The following ARRDC1 variants were observed in gnomAD, a reference collection of about 807,000 sequenced individuals.
ARRDC1 encodes the protein arrestin domain containing 1, also known as arrestin domain-containing protein 1.
In ARRDC1, 37 loss-of-function variants were observed where a neutral mutation model predicts 40.1. The observed-to-expected ratio is 0.92, with a 90% confidence interval of 0.71 to 1.21. The LOEUF is 1.21. Ranked by LOEUF, ARRDC1 falls within the 50% of genes most tolerant of loss-of-function variation. The pLI is 0.00. For missense variants in ARRDC1, 641 were observed against 581.9 expected (o/e 1.10, Z -1.04); for synonymous variants, 310 against 262.5 (o/e 1.18, Z -1.75).
intron 1 of ARRDC1, among the ~76,000 whole-genome samples, chr9:137,606,294 C>G (rs1298784067): frequency 3.3e-5 from 5 of 152,170 alleles, no homozygotes; most frequent in African/African-American, 7.2e-5. Flanking sequence ...TCGCCGGCCC[C>G]CCGCCGAGGT....
Position 137,614,899 on chromosome 9 carries a change from G to A in ARRDC1, c.1136G>A (p.Gly379Asp), listed in dbSNP as rs141470293. 1.5e-4 allele frequency: 247 copies of A among 1,613,702 alleles called. No individual in the cohort carries two copies. Among genetic ancestry groups the A allele is most frequent in the Middle Eastern group, 1.6e-4 (1 of 6,084 alleles). Residue 379 changes from glycine to aspartate, a missense_variant, in exon 7 of 8, where the codon GGT becomes GAT. Coordinates refer to ENST00000371421, the MANE Select transcript of ARRDC1 (RefSeq NM_152285.4). Reference sequence around the variant, plus strand: ...CACCCTCCCTTGTGCATTTCAACAGGTGCCACTGTCCCCTACTTTGCAGAG... The same window carrying A: ...CACCCTCCCTTGTGCATTTCAACAGATGCCACTGTCCCCTACTTTGCAGAG... ...PLHPPLCIST[G>D]ATVPYFAEGS... is the part of the protein sequence containing the mutation.
intron 1 of ARRDC1, among the ~76,000 whole-genome samples, chr9:137,609,092 G>A (rs770777923): frequency 4.6e-5 from 7 of 152,168 alleles, no homozygotes; most frequent in Non-Finnish European, 8.8e-5. Flanking sequence ...GAGATTCTAA[G>A]CGGAATTCTG....
chr9:137,608,212 A>G (rs1053730127), intron 1 of ARRDC1, among the ~76,000 whole-genome samples: 1 of 151,984 alleles, frequency 6.6e-6, no homozygotes, highest in South Asian at 2.1e-4. Flanking sequence ...GGATCTCCTG[A>G]CCTCGTGATC....
At position 137,608,863 on chromosome 9, in the gene ARRDC1, G is replaced by A. The variant is rs545158953; in HGVS notation, c.118+3028G>A. ...GTTTCACTTTGGACAGTGGTTGGAG[G>A]CTGCTTACTCTGGCAGAGTCATCTC... On this transcript the variant is annotated intron_variant, in intron 1 of 7. Transcript: ENST00000371421. Among the ~76,000 whole-genome samples the A allele has an allele frequency of 2.6e-5, 4 of 152,338 alleles. No homozygotes were observed. In the South Asian group the frequency reaches 8.3e-4, roughly 32 times the overall value.
rs780892401 is a variant in ARRDC1 at position 137,614,085 on chromosome 9, G to A, written c.489G>A (p.Thr163=). The part of the protein sequence containing the change: ...TKKFSYKLVK[T]GSVVLTASTD... Reference sequence around the variant, plus strand: ...AGTTCTCCTACAAGCTGGTGAAGACGGGCAGCGTGGTCCTCACAGCCAGCA... The same window carrying A: ...AGTTCTCCTACAAGCTGGTGAAGACAGGCAGCGTGGTCCTCACAGCCAGCA... The change falls in exon 5 of 8, where the codon ACG becomes ACA. Residue 163 remains threonine, a synonymous_variant. Transcript: ENST00000371421. 6.8e-6 allele frequency: 11 copies of A among 1,613,664 alleles called. No individual in the cohort carries two copies. Among genetic ancestry groups the A allele is most frequent in the African/African-American group, 2.7e-5 (2 of 74,906 alleles).
At position 137,614,439 on chromosome 9, in the gene ARRDC1, G is replaced by A. The variant is rs761030342; in HGVS notation, c.759G>A (p.Pro253=). The A allele has an allele frequency of 8.1e-6, 13 of 1,613,364 alleles. No individual in the cohort carries two copies. The highest frequency in any genetic ancestry group is 4.5e-5 in the East Asian group (2 of 44,854). ...LVPALPQSAL[P]GCSLIHIDYY... is the part of the protein sequence containing the mutation. ...CTGCCTTGCCCCAGTCGGCCCTGCC[G>A]GGCTGCAGCCTCATCCACATCGACT... is the stretch of plus-strand genomic sequence containing the variant. Residue 253 remains proline, a synonymous_variant, in exon 6 of 8, where the codon CCG becomes CCA. Transcript: ENST00000371421.
At position 137,614,074 on chromosome 9, in the gene ARRDC1, C is replaced by G. The variant is rs777498130; in HGVS notation, c.478C>G (p.Leu160Val). ...ASATKKFSYKLVKTGSVVLTA... is the reference protein window; with the variant it reads ...ASATKKFSYKVVKTGSVVLTA... ...TGCCACCAAGAAGTTCTCCTACAAGCTGGTGAAGACGGGCAGCGTGGTCCT... is the reference window on the plus strand; with the variant it reads ...TGCCACCAAGAAGTTCTCCTACAAGGTGGTGAAGACGGGCAGCGTGGTCCT... The change falls in exon 5 of 8, where the codon CTG (leucine) becomes GTG (valine). Residue 160 changes from leucine to valine, a missense_variant. By Grantham distance (32) the Leu-to-Val change is conservative. Coordinates refer to ENST00000371421, the MANE Select transcript of ARRDC1 (RefSeq NM_152285.4). 1 of 1,613,854 alleles carries G rather than the reference C, an allele frequency of 6.2e-7. No homozygotes were observed. The highest frequency in any genetic ancestry group is 1.1e-5 in the South Asian group (1 of 91,080).
intron 1 of ARRDC1, among the ~76,000 whole-genome samples, chr9:137,607,720 G>C (rs990223430): frequency 3.9e-5 from 6 of 152,174 alleles, no homozygotes; most frequent in African/African-American, 1.4e-4. Flanking sequence ...TGGGGGAGTG[G>C]CTTACAGGTC....
chr9:137,612,924 C>T lies in ARRDC1; in HGVS notation c.147C>T (p.Cys49=), dbSNP rs1450906469. ...TCCGGGTGACCTGCATAGGTTCCTGCGGGGTCTCCAACAAGGCTAATGACA... is the reference window on the plus strand; with the variant it reads ...TCCGGGTGACCTGCATAGGTTCCTGTGGGGTCTCCAACAAGGCTAATGACA... ...RAIRVTCIGS[C]GVSNKANDTA... The change falls in exon 2 of 8, where the codon TGC becomes TGT. Residue 49 remains cysteine (C), a synonymous_variant. Coordinates refer to ENST00000371421, the MANE Select transcript of ARRDC1 (RefSeq NM_152285.4). 1.3e-5 allele frequency: 21 copies of T among 1,613,930 alleles called. No individual in the cohort carries two copies. Among genetic ancestry groups the T allele is most frequent in the Admixed American group, 1.7e-5 (1 of 59,992 alleles).
chr9:137,613,433 C>T (rs952570571), intron 2 of ARRDC1, 27 bp from the exon 3 acceptor site: 4 of 1,605,050 alleles, frequency 2.5e-6, no homozygotes, highest in Non-Finnish European at 3.4e-6. Flanking sequence ...GGGGGGACTG[C>T]CCCCCACCTC....
intron 2 of ARRDC1, 54 bp downstream of exon 2, chr9:137,613,060 T>A (rs1564501930): frequency 1.5e-6 from 2 of 1,356,314 alleles, no homozygotes; most frequent in African/African-American, 2.9e-5. Flanking sequence ...GCCCTTGGAG[T>A]GGGGCCTGTC....
chr9:137,614,045 C>A lies in ARRDC1; in HGVS notation c.449C>A (p.Ala150Asp). ...SIPDIEQPNV[A>D]SATKKFSYKL... ...CCTCCCCCCAAGCAACCCAACGTGG[C>A]CTCTGCCACCAAGAAGTTCTCCTAC... is the stretch of plus-strand genomic sequence containing the variant. Residue 150 changes from alanine (A) to aspartate (D), a missense_variant, in exon 5 of 8, where the codon GCC (alanine) becomes GAC (aspartate). Ala to Asp is a moderately radical substitution (Grantham distance 126, BLOSUM62 -2). Transcript: ENST00000371421. The A allele has an allele frequency of 6.2e-7, 1 of 1,613,782 alleles. No homozygotes were observed. Among genetic ancestry groups the A allele is most frequent in the South Asian group, 1.1e-5 (1 of 91,074 alleles).
intron 1 of ARRDC1, among the ~76,000 whole-genome samples, chr9:137,608,655 C>T (rs1842463481): frequency 6.6e-6 from 1 of 152,264 alleles, no homozygotes; most frequent in Non-Finnish European, 1.5e-5. Flanking sequence ...AACATGGCCG[C>T]TGCCATTGGC....
At chr9:137,608,830 C>T (rs573105319) in intron 1 of ARRDC1, among the ~76,000 whole-genome samples, 8 of 152,270 alleles carry the variant, frequency 5.3e-5, no homozygotes, top group African/African-American at 1.7e-4. Context: ...TGGGGCAGCT[C>T]GGGACAGGTT....
Position 137,605,690 on chromosome 9 carries a change from C to G in ARRDC1, c.-28C>G, listed in dbSNP as rs773926944. 64 of 1,312,338 alleles carry G rather than the reference C, an allele frequency of 4.9e-5. No homozygotes were observed. The highest frequency in any genetic ancestry group is 3.8e-4 in the South Asian group (20 of 53,060). The allele number at this position is 1,312,338 out of a possible 1,614,324, so 81.3% of individuals were successfully genotyped here. ...TCGCGGGCGGCGGGCGGGGGCGTCG[C>G]TGCGCGGCTGGCCGGTGAGGCCGCG... On this transcript the variant is annotated 5_prime_UTR_variant, in exon 1 of 8. Transcript: ENST00000371421.
At chr9:137,608,433 C>T (rs1564498985) in intron 1 of ARRDC1, among the ~76,000 whole-genome samples, 1 of 152,250 alleles carries the variant, frequency 6.6e-6, no homozygotes, top group Non-Finnish European at 1.5e-5. Flanking sequence ...CCAAGCCCTG[C>T]CTGGTGGCTT....
In ARRDC1 at chr9:137,613,758, CCAGA is replaced by C. The variant is rs1284911183; in HGVS notation, c.427_430del (p.Asp143LeufsTer18). 3 of 1,614,166 alleles carry C rather than the reference CCAGA, an allele frequency of 1.9e-6. No individual in the cohort carries two copies. The highest frequency in any genetic ancestry group is 3.3e-5 in the Admixed American group (2 of 59,988). ...GAGCCCCTTGAACCTGAACAGCATCCCAGACATTGAGGTGAGGATGGCACAGTGA... is the reference window on the plus strand; with the variant it reads ...GAGCCCCTTGAACCTGAACAGCATCCCATTGAGGTGAGGATGGCACAGTGA... On this transcript the variant is annotated frameshift_variant, in exon 4 of 8. Coordinates refer to ENST00000371421, the MANE Select transcript of ARRDC1 (RefSeq NM_152285.4). LOFTEE classifies it high-confidence loss of function.
At chr9:137,607,225 C>T (rs113554623) in intron 1 of ARRDC1, among the ~76,000 whole-genome samples, 1 of 152,208 alleles carries the variant, frequency 6.6e-6, no homozygotes, top group Non-Finnish European at 1.5e-5. Context: ...TGTACCGGGG[C>T]CCCCGGGGGT....
chr9:137,607,005 C>G (rs1353628218), intron 1 of ARRDC1, among the ~76,000 whole-genome samples: 1 of 151,052 alleles, frequency 6.6e-6, no homozygotes, highest in East Asian at 1.9e-4. Context: ...TCCGGGTGGA[C>G]GTGGTGGGTG....
Sources: gnomAD v4.1 joint callset for allele counts (sites outside exome capture counted in the v4.1 genomes callset) on GRCh38, gnomAD v4.1.1 for gene constraint, MANE v1.5 for transcripts, NCBI Gene and HGNC (gene_info 2026-07-23, HGNC 2026-07-21) for gene names.